Variants in WNK1 observed in about 807,000 individuals in gnomAD.
The protein encoded by WNK1 is WNK lysine deficient protein kinase 1.
Under a neutral mutation model 222.8 loss-of-function variants are expected in WNK1, and 38 were observed. The ratio of observed to expected loss-of-function variants is 0.17; its 90% CI spans 0.13 to 0.22. WNK1 has a LOEUF of 0.22. WNK1 is among the 10% of genes least tolerant of loss of function. The pLI, the probability that WNK1 is intolerant of heterozygous loss-of-function variation, is 1.00. For synonymous variants in WNK1, 1,090 were observed against 1,092.9 expected, an observed-to-expected ratio of 1.00 and a Z score of 0.05; for missense variants, 2,348 against 2,918.4, an observed-to-expected ratio of 0.80 and a Z score of 4.50.
intron 1 of WNK1, among the ~76,000 whole-genome samples, chr12:791,611 C>T (rs1267762737): frequency 1.3e-5 from 2 of 151,414 alleles, no homozygotes; most frequent in Non-Finnish European, 2.9e-5. Flanking sequence ...TAGCCTGCCA[C>T]CCTAAGATGG....
Position 881,737 on chromosome 12 carries a change from G to C in WNK1, c.3157G>C (p.Val1053Leu). The C allele has an allele frequency of 6.2e-7, 1 of 1,614,186 alleles. No individual in the cohort carries two copies. The highest frequency in any genetic ancestry group is 8.5e-7 in the Non-Finnish European group (1 of 1,180,036). ...SQVAPAEPVA[V>L]AQTQATQPTT... ...GGTTGCTCCTGCAGAGCCAGTTGCA[G>C]TAGCACAGACCCAAGCTACCCAGCC... The change falls in exon 13 of 28, where the codon GTA (valine) becomes CTA (leucine). Residue 1053 changes from valine to leucine, a missense_variant. Val to Leu is a conservative substitution (Grantham distance 32). Coordinates refer to ENST00000315939, the MANE Select transcript of WNK1 (RefSeq NM_018979.4).
At chr12:872,424 A>G (rs1369496316) in intron 9 of WNK1, among the ~76,000 whole-genome samples, 31 of 152,198 alleles carry the variant, frequency 2.0e-4, no homozygotes, top group Admixed American at 2.0e-3. Context: ...GCTGGGAGCC[A>G]CTGTGCCCAG....
chr12:852,158 G>A (rs72648655), intron 4 of WNK1, among the ~76,000 whole-genome samples: 1 of 152,172 alleles, frequency 6.6e-6, no homozygotes, highest in African/African-American at 2.4e-5. Flanking sequence ...TAGCAGATTA[G>A]TTGGCAAAAC....
intron 22 of WNK1, among the ~76,000 whole-genome samples, chr12:891,602 CTTTT>C (rs71441624): frequency 1.7e-4 from 21 of 126,018 alleles, no homozygotes; most frequent in African/African-American, 5.6e-4. Context: ...GATTTTTTTT[CTTTT>C]TTTTTTTTTT....
At chr12:854,570 A>G (rs898311191) in intron 4 of WNK1, among the ~76,000 whole-genome samples, 1 of 151,438 alleles carries the variant, frequency 6.6e-6, no homozygotes, top group Non-Finnish European at 1.5e-5. Flanking sequence ...GCTGTCTTGC[A>G]CTCCTGACCT....
chr12:815,203 A>G (rs1033071916), intron 2 of WNK1, among the ~76,000 whole-genome samples: 6 of 152,188 alleles, frequency 3.9e-5, no homozygotes, highest in African/African-American at 9.7e-5. Context: ...GACCCCTGGT[A>G]TCTTAGAGGA....
chr12:832,500 A>G (rs923424934), intron 4 of WNK1, among the ~76,000 whole-genome samples: 2 of 152,182 alleles, frequency 1.3e-5, no homozygotes, highest in African/African-American at 4.8e-5. Context: ...TATTCCTTCA[A>G]TATCCTTGTT....
In WNK1 at chr12:813,751, C is replaced by T. The variant is rs1204032792; in HGVS notation, c.869C>T (p.Thr290Ile). The T allele has an allele frequency of 1.2e-6, 2 of 1,613,892 alleles. No homozygotes were observed. The highest frequency in any genetic ancestry group is 1.7e-6 in the Non-Finnish European group (2 of 1,179,942). ...AGATTTTATGATTCCTGGGAATCCA[C>T]AGTAAAAGGAAAGAAGTGCATTGTT... is the stretch of plus-strand genomic sequence containing the variant. ...IVRFYDSWES[T>I]VKGKKCIVLV... is the part of the protein sequence containing the mutation. Residue 290 changes from threonine (T) to isoleucine (I), a missense_variant, in exon 2 of 28, where the codon ACA (threonine) becomes ATA (isoleucine). Thr to Ile is a moderately conservative substitution (Grantham distance 89). Around this residue, in one of 13 missense-constraint regions of WNK1, gnomAD observed 57 missense variants for 219.0 expected, o/e 0.26. Transcript: ENST00000315939.
chr12:802,097 A>G (rs2153993395), intron 1 of WNK1, among the ~76,000 whole-genome samples: 1 of 152,332 alleles, frequency 6.6e-6, no homozygotes, highest in Admixed American at 6.5e-5. Flanking sequence ...ATGTACATGT[A>G]GTATAATTGG....
At position 884,396 on chromosome 12, in the gene WNK1, G is replaced by A. The variant is rs1437634328; in HGVS notation, c.3844+153G>A. 6.6e-6 allele frequency among the ~76,000 whole-genome samples: 1 copy of A among 152,162 alleles called. No homozygotes were observed. Among genetic ancestry groups the A allele is most frequent in the Non-Finnish European group, 1.5e-5 (1 of 68,030 alleles). The stretch of plus-strand genomic sequence containing the variant: ...AACCAACAGATAAACATATGGGAGA[G>A]GGAAATAGATGAAGAATACAGAGAA... On this transcript the variant is annotated intron_variant, in intron 18 of 27. Coordinates refer to ENST00000315939, the MANE Select transcript of WNK1 (RefSeq NM_018979.4). This position sits in a 1 kb window ranked among gnomAD's most constrained non-coding sequence, Gnocchi z 5.6.
intron 4 of WNK1, among the ~76,000 whole-genome samples, chr12:850,030 A>G (rs1484650081): frequency 1.3e-5 from 2 of 151,950 alleles, no homozygotes; most frequent in African/African-American, 2.4e-5. Context: ...ATAAACATAC[A>G]TGTGCATGTG....
intron 8 of WNK1, among the ~76,000 whole-genome samples, chr12:866,915 G>A (rs969960165): frequency 2.0e-5 from 3 of 152,088 alleles, no homozygotes; most frequent in Non-Finnish European, 4.4e-5. Flanking sequence ...CCTGAGGTCA[G>A]GAGTTCGAGA....
chr12:830,275 C>A, intron 4 of WNK1, 115 bp downstream of exon 4: 1 of 1,217,394 alleles, frequency 8.2e-7, no homozygotes. Context: ...ACTGAGTGAA[C>A]TGTTGGGGTT....
At chr12:851,661 C>T in intron 4 of WNK1, 1 of 1,302,140 alleles carries the variant, frequency 7.7e-7, no homozygotes, top group South Asian at 1.2e-5. Context: ...CCTTCATTTT[C>T]CTCCAATAAG....
intron 4 of WNK1, among the ~76,000 whole-genome samples, chr12:854,934 G>A (rs1338890007): frequency 1.3e-5 from 2 of 152,164 alleles, no homozygotes; most frequent in African/African-American, 4.8e-5. Context: ...ACAGGGAAAA[G>A]CCTGTATGTG....
chr12:838,605 G>A (rs1406411498), intron 4 of WNK1, among the ~76,000 whole-genome samples: 2 of 151,440 alleles, frequency 1.3e-5, no homozygotes, highest in African/African-American at 2.4e-5. Context: ...TTGTAGAGAC[G>A]AGGTTTTGTC....
At chr12:802,881 A>T (rs1946019774) in intron 1 of WNK1, among the ~76,000 whole-genome samples, 1 of 152,342 alleles carries the variant, frequency 6.6e-6, no homozygotes, top group East Asian at 1.9e-4. Context: ...GCCACAAATA[A>T]ATGTAGTCAG....
At chr12:822,317 CTCCTGACCTTGTGG>C (rs1464624506) in intron 2 of WNK1, among the ~76,000 whole-genome samples, 1 of 152,108 alleles carries the variant, frequency 6.6e-6, no homozygotes, top group Non-Finnish European at 1.5e-5. Context: ...TGGTCTCAAA[CTCCTGACCTTGTGG>C]TCCTGCCCAC....
At chr12:879,512 G>GCTTTTTTTTTTTTTTTTTTTTTTTTT in intron 10 of WNK1, 61 bp from the exon 11 acceptor site, 2 of 735,660 alleles carry the variant, frequency 2.7e-6, no homozygotes, top group South Asian at 2.5e-5. Flanking sequence ...TGGCAGCCTT[G>GCTTTTTTTTTTTTTTTTTTTTTTTTT]CTTTTTTTTT....
Sources: gnomAD v4.1 joint callset for allele counts (sites outside exome capture counted in the v4.1 genomes callset) on GRCh38, gnomAD v4.1.1 for gene constraint, gnomAD v4.1.1 regional missense constraint, Gnocchi (gnomAD v3.1) non-coding constraint, MANE v1.5 for transcripts, NCBI Gene and HGNC (gene_info 2026-07-23, HGNC 2026-07-21) for gene names.